The following SYT1 variants were observed in gnomAD, a reference collection of about 807,000 sequenced individuals.
SYT1 encodes the protein synaptotagmin-1.
SYT1 carries 8 observed loss-of-function variants against 44.8 expected under a neutral mutation model. That is an observed-to-expected ratio of 0.18 (90% CI 0.10 to 0.32). The LOEUF is 0.32. Among genes scored for constraint, SYT1 ranks in the 10% least tolerant of loss-of-function variants. The pLI is 1.00. For synonymous variants in SYT1, 154 were observed against 188.8 expected, an observed-to-expected ratio of 0.82 and a Z score of 1.51; for missense variants, 286 against 509.3, an observed-to-expected ratio of 0.56 and a Z score of 4.22.
chr12:78,908,005 G>A (rs889564792), intron 1 of SYT1, among the ~76,000 whole-genome samples: 11 of 151,986 alleles, frequency 7.2e-5, no homozygotes, highest in African/African-American at 2.4e-4. Context: ...GCCAGCAGCC[G>A]TGTGATCACA....
At chr12:79,219,581 A>G (rs1875028435) in intron 4 of SYT1, among the ~76,000 whole-genome samples, 1 of 151,996 alleles carries the variant, frequency 6.6e-6, no homozygotes, top group African/African-American at 2.4e-5. Context: ...AGTTTTCCCA[A>G]CACCATTTAC....
At chr12:79,245,480 AAAAAAAAAAG>A (rs1233122661) in intron 4 of SYT1, among the ~76,000 whole-genome samples, 1 of 149,962 alleles carries the variant, frequency 6.7e-6, no homozygotes, top group African/African-American at 2.4e-5. Context: ...CAACAAAAAA[AAAAAAAAAAG>A]AAAAGAAAAA....
chr12:78,910,458 G>T (rs1161246439), intron 1 of SYT1, among the ~76,000 whole-genome samples: 3 of 151,800 alleles, frequency 2.0e-5, no homozygotes, highest in Non-Finnish European at 4.4e-5. Context: ...GGATTTTTCT[G>T]CCCTTTTAAT....
intron 4 of SYT1, among the ~76,000 whole-genome samples, chr12:79,234,012 A>G (rs958208282): frequency 6.6e-6 from 1 of 152,002 alleles, no homozygotes; most frequent in Non-Finnish European, 1.5e-5. Context: ...ACCCCACACA[A>G]TGTATCTTAC....
chr12:78,995,144 A>AGC (rs1870290488), intron 2 of SYT1, among the ~76,000 whole-genome samples: 1 of 152,120 alleles, frequency 6.6e-6, no homozygotes, highest in Non-Finnish European at 1.5e-5. Flanking sequence ...ATTTTTTTAA[A>AGC]TCTCCCAGGG....
intron 2 of SYT1, among the ~76,000 whole-genome samples, chr12:79,030,457 AG>A (rs1246825275): frequency 1.3e-5 from 2 of 151,124 alleles, no homozygotes; most frequent in East Asian, 3.9e-4. Flanking sequence ...ACGCATAGAA[AG>A]AATGGTCACC....
chr12:79,435,489 G>A (rs148484524), intron 9 of SYT1, among the ~76,000 whole-genome samples: 2 of 151,992 alleles, frequency 1.3e-5, no homozygotes. Context: ...TTTTCCTTAC[G>A]TCTCTGTCTA....
rs548047532 is a variant in SYT1, at chr12:79,409,506, A to G, written c.929-34567A>G. 3.3e-5 allele frequency among the ~76,000 whole-genome samples: 5 copies of G among 152,218 alleles called. No homozygotes were observed. The South Asian group carries it at 1.0e-3, about 32-fold the overall frequency. On this transcript the variant is annotated intron_variant, in intron 9 of 10. Transcript: ENST00000261205. ...CTTCGCTTTGTTCTGCTTGTGACCT[A>G]GAGTGAATTTTATTCATAGCAAAAT... is the stretch of plus-strand genomic sequence containing the variant.
chr12:78,915,376 G>T (rs981586608), intron 1 of SYT1, among the ~76,000 whole-genome samples: 1 of 151,986 alleles, frequency 6.6e-6, no homozygotes, highest in Non-Finnish European at 1.5e-5. Flanking sequence ...CATAGCCAAG[G>T]TTAAGAACCA....
chr12:79,309,275 A>AT (rs1383050509), intron 8 of SYT1, among the ~76,000 whole-genome samples: 1 of 152,144 alleles, frequency 6.6e-6, no homozygotes, highest in East Asian at 1.9e-4. Context: ...CCAATGTAGG[A>AT]TTTTTCTTAC....
chr12:79,242,317 G>T (rs951388495), intron 4 of SYT1, among the ~76,000 whole-genome samples: 1 of 152,150 alleles, frequency 6.6e-6, no homozygotes, highest in Non-Finnish European at 1.5e-5. Context: ...GTTATAGAGC[G>T]GCTTGGGAAG....
At chr12:79,271,865 T>C (rs544432642) in intron 4 of SYT1, among the ~76,000 whole-genome samples, 1 of 152,366 alleles carries the variant, frequency 6.6e-6, no homozygotes, top group South Asian at 2.1e-4. Flanking sequence ...ACATTTCTTG[T>C]ATGGGAAGAG....
intron 9 of SYT1, among the ~76,000 whole-genome samples, chr12:79,439,397 C>T (rs1303773502): frequency 6.6e-6 from 1 of 152,150 alleles, no homozygotes; most frequent in African/African-American, 2.4e-5. Context: ...TCTTTTATCT[C>T]ATACATGATG....
In SYT1 at chr12:79,179,049, TATATAG is replaced by T. The variant is rs1479658599; in HGVS notation, c.-17-38436_-17-38431del. ...ATAGATATATAGATATAGATATAGA[TATATAG>T]ATATAGATATAGATATATAGATATA... On this transcript the variant is annotated intron_variant, in intron 3 of 10. Transcript: ENST00000261205. 1.1e-3 allele frequency among the ~76,000 whole-genome samples: 98 copies of T among 85,320 alleles called. 3 individuals are homozygous for T. The highest frequency in any genetic ancestry group is 2.1e-3 in the South Asian group (6 of 2,802). 56.0% of individuals were successfully genotyped at this position (85,320 alleles called of 152,430 possible). A position where few individuals can be genotyped will look rare whatever the true frequency, so the allele number is the denominator to read the frequency against.
intron 3 of SYT1, among the ~76,000 whole-genome samples, chr12:79,128,085 A>T (rs764310002): frequency 6.6e-6 from 1 of 152,136 alleles, no homozygotes; most frequent in Non-Finnish European, 1.5e-5. Context: ...ATAATTAGAT[A>T]GAGAGATTAG....
chr12:78,924,015 G>C (rs1877159436), intron 1 of SYT1, among the ~76,000 whole-genome samples: 1 of 151,662 alleles, frequency 6.6e-6, no homozygotes, highest in South Asian at 2.1e-4. Flanking sequence ...CTTAATTTGC[G>C]TTTCATGACA....
Position 79,026,667 on chromosome 12 carries a change from T to TTATATATATATATA in SYT1, c.-83-20608_-83-20595dup, listed in dbSNP as rs3064320. 7.5e-3 allele frequency among the ~76,000 whole-genome samples: 763 copies of TTATATATATATATA among 102,160 alleles called. 9 individuals carry two copies. The highest frequency in any genetic ancestry group is 8.7e-3 in the Non-Finnish European group (447 of 51,178). 67.0% of individuals were successfully genotyped at this position (102,160 alleles called of 152,430 possible). The stretch of plus-strand genomic sequence containing the variant: ...TTGTGTGTGTATATACATATATATT[T>TTATATATATATATA]TATATATATATATATATATATATAT... On this transcript the variant is annotated intron_variant, in intron 2 of 10. Coordinates refer to ENST00000261205, the MANE Select transcript of SYT1 (RefSeq NM_005639.3).
At chr12:79,134,640 A>C (rs1473588887) in intron 3 of SYT1, among the ~76,000 whole-genome samples, 1 of 152,192 alleles carries the variant, frequency 6.6e-6, no homozygotes, top group African/African-American at 2.4e-5. Flanking sequence ...CTCATCCCTT[A>C]AGTCTACCTA....
Position 79,450,024 on chromosome 12 carries a change from T to TGAC in SYT1, c.*901_*903dup, listed in dbSNP as rs1311545929. 6.6e-6 allele frequency: 1 copy of TGAC among 151,950 alleles called. No individual in the cohort carries two copies. Among genetic ancestry groups the TGAC allele is most frequent in the African/African-American group, 2.4e-5 (1 of 41,346 alleles). The allele number at this position is 151,950 out of a possible 1,614,324, so 9.4% of individuals were successfully genotyped here. A position where few individuals can be genotyped will look rare whatever the true frequency, so the allele number is the denominator to read the frequency against. Reference sequence around the variant, plus strand: ...AAGTCAACATTTATGAAATATTGCCTGACTATTTAAAAAGAAAAAAGTAGC... The same window carrying TGAC: ...AAGTCAACATTTATGAAATATTGCCTGACGACTATTTAAAAAGAAAAAAGTAGC... On this transcript the variant is annotated 3_prime_UTR_variant, in exon 11 of 11. Transcript: ENST00000261205.
Sources: gnomAD v4.1 joint callset for allele counts (sites outside exome capture counted in the v4.1 genomes callset) on GRCh38, gnomAD v4.1.1 for gene constraint, MANE v1.5 for transcripts, NCBI Gene and HGNC (gene_info 2026-07-23, HGNC 2026-07-21) for gene names.